Variants in FER1L6 observed in about 807,000 individuals in gnomAD.
FER1L6 encodes the protein fer-1 like family member 6.
FER1L6 carries 177 observed loss-of-function variants against 219.2 expected under a neutral mutation model. The ratio of observed to expected loss-of-function variants is 0.81; its 90% CI spans 0.71 to 0.91. The LOEUF is 0.91. Among genes scored for constraint, FER1L6 ranks in the 40% least tolerant of loss-of-function variants. FER1L6 has a pLI of 0.00. For missense variants in FER1L6, 2,153 were observed against 2,259.9 expected, an observed-to-expected ratio of 0.95 and a Z score of 0.96; for synonymous variants, 768 against 824.3, an observed-to-expected ratio of 0.93 and a Z score of 1.17.
intron 1 of FER1L6, among the ~76,000 whole-genome samples, chr8:123,924,002 C>A (rs543637990): frequency 6.6e-6 from 1 of 150,860 alleles, no homozygotes; most frequent in Non-Finnish European, 1.5e-5. Context: ...AGCTTGTAAT[C>A]CCAGCACTTT....
chr8:124,095,154 C>T, intron 35 of FER1L6, 116 bp downstream of exon 35: 5 of 1,372,210 alleles, frequency 3.6e-6, no homozygotes, highest in Non-Finnish European at 4.0e-6. Context: ...TGTCTGGAAT[C>T]ATTTTGTGTT....
At chr8:123,950,110 C>T (rs905043560) in intron 1 of FER1L6, among the ~76,000 whole-genome samples, 2 of 152,172 alleles carry the variant, frequency 1.3e-5, no homozygotes, top group African/African-American at 2.4e-5. Flanking sequence ...TTTTCTTCGG[C>T]GCCCAGGCAA....
intron 20 of FER1L6, among the ~76,000 whole-genome samples, chr8:124,044,655 C>T (rs995616959): frequency 3.9e-5 from 6 of 152,212 alleles, no homozygotes; most frequent in African/African-American, 1.4e-4. Context: ...CCTATGAAAT[C>T]ACTCATTTGC....
intron 1 of FER1L6, among the ~76,000 whole-genome samples, chr8:123,907,399 G>A (rs1383898469): frequency 6.6e-6 from 1 of 152,078 alleles, no homozygotes; most frequent in African/African-American, 2.4e-5. Flanking sequence ...CCCATGCCAT[G>A]CTTCCTTATT....
intron 28 of FER1L6, among the ~76,000 whole-genome samples, chr8:124,068,723 G>C (rs979402223): frequency 2.6e-5 from 4 of 152,072 alleles, no homozygotes; most frequent in African/African-American, 4.8e-5. Context: ...TCTGTGCCTA[G>C]TTTAATGAGT....
At chr8:124,043,544 G>T (rs1819595779) in intron 20 of FER1L6, among the ~76,000 whole-genome samples, 1 of 152,204 alleles carries the variant, frequency 6.6e-6, no homozygotes, top group African/African-American at 2.4e-5. Flanking sequence ...TTATCCTCTG[G>T]AAGGAATGTA....
intron 19 of FER1L6, among the ~76,000 whole-genome samples, chr8:124,037,171 G>A (rs1819255677): frequency 6.6e-6 from 1 of 152,238 alleles, no homozygotes; most frequent in African/African-American, 2.4e-5. Flanking sequence ...GCTCCCTGGT[G>A]TTGTGCAGTG....
chr8:124,081,625 AG>A (rs200336444), intron 32 of FER1L6, among the ~76,000 whole-genome samples: 26,829 of 135,538 alleles, frequency 0.2, 3,726 homozygotes, highest in Middle Eastern at 0.26. Flanking sequence ...AAAAAAAAAA[AG>A]GGCAGGTCCC....
intron 40 of FER1L6, 147 bp downstream of exon 40, chr8:124,119,091 TA>T (rs2131055496): frequency 1.5e-6 from 1 of 647,548 alleles, no homozygotes; most frequent in African/African-American, 1.8e-5. Context: ...CCAACCTGTG[TA>T]GCTTTTCGAA....
intron 39 of FER1L6, among the ~76,000 whole-genome samples, chr8:124,103,864 G>A (rs959991249): frequency 2.6e-5 from 4 of 152,178 alleles, no homozygotes; most frequent in African/African-American, 9.7e-5. Flanking sequence ...ACTTAGCGAG[G>A]TTGGAAAAAG....
rs143250442 is a variant in FER1L6 at position 124,119,751 on chromosome 8, G to A, written c.5535G>A (p.Leu1845=). 886 of 1,613,906 alleles carry A rather than the reference G, an allele frequency of 5.5e-4. 4 individuals carry two copies. In the African/African-American group the frequency reaches 0.011, roughly 20 times the overall value. Residue 1845 remains leucine, a synonymous_variant, in exon 41 of 41, where the codon TTG becomes TTA. Coordinates refer to ENST00000522917, the MANE Select transcript of FER1L6 (RefSeq NM_001039112.2). The part of the protein sequence containing the change: ...IIFLVLFIYT[L]PGAISRRIVV... ...TCCTCGTCCTTTTCATCTACACCTT[G>A]CCAGGAGCCATCAGCCGAAGGATCG...
At chr8:123,972,112 C>A (rs1052460253) in intron 6 of FER1L6, among the ~76,000 whole-genome samples, 23 of 152,178 alleles carry the variant, frequency 1.5e-4, no homozygotes, top group African/African-American at 5.3e-4. Flanking sequence ...TTGGAGTGAA[C>A]ATTATGTGAG....
chr8:123,988,852 C>A (rs1816717787), intron 12 of FER1L6, among the ~76,000 whole-genome samples: 1 of 152,126 alleles, frequency 6.6e-6, no homozygotes, highest in Non-Finnish European at 1.5e-5. Flanking sequence ...CTAGGACTCC[C>A]AGTATTATGT....
chr8:123,855,180 C>T (rs1347428907), intron 1 of FER1L6, among the ~76,000 whole-genome samples: 4 of 152,166 alleles, frequency 2.6e-5, no homozygotes, highest in African/African-American at 9.7e-5. Flanking sequence ...TTAGCTCAAA[C>T]AGTTCAGGAT....
intron 1 of FER1L6, among the ~76,000 whole-genome samples, chr8:123,856,862 T>G (rs1459607941): frequency 6.6e-6 from 1 of 152,040 alleles, no homozygotes; most frequent in Non-Finnish European, 1.5e-5. Flanking sequence ...TATTGCGGTG[T>G]GATGCATCAC....
At chr8:123,964,144 A>T (rs1430691804) in intron 3 of FER1L6, among the ~76,000 whole-genome samples, 2 of 152,214 alleles carry the variant, frequency 1.3e-5, no homozygotes, top group Non-Finnish European at 2.9e-5. Context: ...AGTTCTCTTG[A>T]GGTGTAGGCT....
intron 15 of FER1L6, 140 bp from the exon 16 acceptor site, chr8:124,017,488 T>C: frequency 3.3e-6 from 2 of 602,296 alleles, no homozygotes; most frequent in South Asian, 2.5e-5. Flanking sequence ...ACATAGTTGC[T>C]TAATCCTAAA....
chr8:123,951,801 T>C lies in FER1L6; in HGVS notation c.-7-4191T>C, dbSNP rs369863750. 2.4e-4 allele frequency among the ~76,000 whole-genome samples: 37 copies of C among 152,316 alleles called. 1 individual carries two copies. The South Asian group carries it at 7.5e-3, about 31-fold the overall frequency. On this transcript the variant is annotated intron_variant, in intron 1 of 40. Coordinates refer to ENST00000522917, the MANE Select transcript of FER1L6 (RefSeq NM_001039112.2). ...GCCCTCCCCAGCCCCGTACTGGGTG[T>C]TATGGCTTTGGGTTTGGAAGGTGAG... is the stretch of plus-strand genomic sequence containing the variant.
chr8:124,040,156 CAGA>C, intron 20 of FER1L6, 150 bp downstream of exon 20: 1 of 1,029,308 alleles, frequency 9.7e-7, no homozygotes, highest in Non-Finnish European at 1.4e-6. Flanking sequence ...AATATGTGCC[CAGA>C]AGGACTGGTG....
Sources: gnomAD v4.1 joint callset for allele counts (sites outside exome capture counted in the v4.1 genomes callset) on GRCh38, gnomAD v4.1.1 for gene constraint, MANE v1.5 for transcripts, NCBI Gene and HGNC (gene_info 2026-07-23, HGNC 2026-07-21) for gene names.